The following COLEC12 variants were observed in gnomAD, a reference collection of about 807,000 sequenced individuals.
COLEC12 encodes the protein collectin subfamily member 12.
In COLEC12, 33 loss-of-function variants were observed where a neutral mutation model predicts 71.1. That is an observed-to-expected ratio of 0.46 (90% CI 0.35 to 0.62). The LOEUF (loss-of-function observed/expected upper bound fraction) is 0.62, where lower values mean the gene tolerates loss of function less well. Among genes scored for constraint, COLEC12 ranks in the 20% least tolerant of loss-of-function variants. COLEC12 has a pLI of 0.00. For synonymous variants in COLEC12, 350 were observed against 353.0 expected (o/e 0.99, Z 0.10); for missense variants, 765 against 916.1 (o/e 0.84, Z 2.13).
At chr18:332,472 G>A (rs781207748) in intron 7 of COLEC12, among the ~76,000 whole-genome samples, 26 of 152,302 alleles carry the variant, frequency 1.7e-4, no homozygotes, top group African/African-American at 5.5e-4. Context: ...TTTCCTAGCC[G>A]TCAAATGAGG....
chr18:406,787 G>T (rs2143627455), intron 2 of COLEC12, among the ~76,000 whole-genome samples: 1 of 152,310 alleles, frequency 6.6e-6, no homozygotes, highest in South Asian at 2.1e-4. Context: ...ACTTTGGTGT[G>T]TCTTTCTCTT....
Position 351,205 on chromosome 18 carries a change from G to A in COLEC12, c.182-3042C>T, listed in dbSNP as rs572661382. 7.9e-5 allele frequency among the ~76,000 whole-genome samples: 12 copies of A among 151,988 alleles called. No homozygotes were observed. In the East Asian group the frequency reaches 9.7e-4, roughly 12 times the overall value. ...CACTGTTTTCCCTCAAGCTTCTACC[G>A]TCTGGTCATAATGAAATGTGTGCAC... On this transcript the variant is annotated intron_variant, in intron 3 of 9. Transcript: ENST00000400256.
At chr18:419,149 TTCTATTC>T (rs1391347901) in intron 2 of COLEC12, among the ~76,000 whole-genome samples, 5 of 8,302 alleles carry the variant, frequency 6.0e-4, no homozygotes, top group Admixed American at 3.2e-3. Context: ...GGCATCATAC[TTCTATTC>T]TATTCTATTC....
At chr18:340,053 G>C (rs1457022287) in intron 5 of COLEC12, among the ~76,000 whole-genome samples, 1 of 108,028 alleles carries the variant, frequency 9.3e-6, no homozygotes, top group East Asian at 2.2e-4. Flanking sequence ...TAAAATAGAA[G>C]CTACCCTTAG....
At chr18:451,704 G>T (rs188188208) in intron 2 of COLEC12, among the ~76,000 whole-genome samples, 1 of 151,606 alleles carries the variant, frequency 6.6e-6, no homozygotes, top group Non-Finnish European at 1.5e-5. Context: ...TCGAGATCAC[G>T]CCACTGCACT....
At chr18:372,919 C>T (rs952694780) in intron 2 of COLEC12, among the ~76,000 whole-genome samples, 1 of 152,142 alleles carries the variant, frequency 6.6e-6, no homozygotes, top group Non-Finnish European at 1.5e-5. Context: ...ATGTGTTAAA[C>T]CTTCCCCCCA....
chr18:346,454 C>T lies in COLEC12; in HGVS notation c.1168G>A (p.Ala390Thr). The T allele has an allele frequency of 3.1e-6, 5 of 1,614,110 alleles. No individual in the cohort carries two copies. The highest frequency in any genetic ancestry group is 1.7e-5 in the Admixed American group (1 of 60,012). Reference sequence around the variant, plus strand: ...GAAACAGAATCCAAACGGATGTTGGCCAGGGTATTATTCAAGGAGGTCAGA... The same window carrying T: ...GAAACAGAATCCAAACGGATGTTGGTCAGGGTATTATTCAAGGAGGTCAGA... ...DDLTSLNNTL[A>T]NIRLDSVSLR... The change falls in exon 5 of 10, where the codon GCC (alanine) becomes ACC (threonine). Residue 390 changes from alanine to threonine, a missense_variant. Ala to Thr is a moderately conservative substitution (Grantham distance 58). Transcript: ENST00000400256. This position sits in a 1 kb window ranked among gnomAD's most constrained non-coding sequence, Gnocchi z 4.0.
intron 2 of COLEC12, among the ~76,000 whole-genome samples, chr18:464,684 G>A (rs1053481137): frequency 2.0e-5 from 3 of 152,186 alleles, no homozygotes; most frequent in Admixed American, 2.0e-4. Context: ...TAGACTGGGA[G>A]CACCATCAAT....
chr18:330,887 T>TC (rs1360295798), intron 8 of COLEC12, among the ~76,000 whole-genome samples: 1 of 150,354 alleles, frequency 6.7e-6, no homozygotes, highest in Non-Finnish European at 1.5e-5. Context: ...TTTTTTTTTT[T>TC]TTTCTTTTTT....
In COLEC12 at chr18:317,389, G is replaced by A. The variant is rs73371804; in HGVS notation, c.*2656C>T. The stretch of plus-strand genomic sequence containing the variant: ...AAATTAGAACATTTTCAAAGCTTGC[G>A]TCTGAATCCTGTCTCACTACTCAGT... On this transcript the variant is annotated 3_prime_UTR_variant, in exon 10 of 10. Coordinates refer to ENST00000400256, the MANE Select transcript of COLEC12 (RefSeq NM_130386.3). 2.6e-5 allele frequency: 4 copies of A among 152,124 alleles called. No individual in the cohort carries two copies. The highest frequency in any genetic ancestry group is 5.9e-5 in the Non-Finnish European group (4 of 68,026). 9.4% of individuals were successfully genotyped at this position (152,124 alleles called of 1,614,324 possible). A position where few individuals can be genotyped will look rare whatever the true frequency, so the allele number is the denominator to read the frequency against.
At chr18:488,390 G>A (rs1917558500) in intron 1 of COLEC12, among the ~76,000 whole-genome samples, 1 of 152,094 alleles carries the variant, frequency 6.6e-6, no homozygotes, top group Non-Finnish European at 1.5e-5. Context: ...CAGACTGGGT[G>A]ACAGAGCGTG....
At chr18:409,971 T>C (rs1022244479) in intron 2 of COLEC12, among the ~76,000 whole-genome samples, 4 of 152,156 alleles carry the variant, frequency 2.6e-5, no homozygotes, top group Non-Finnish European at 4.4e-5. Context: ...GAGACCTAGA[T>C]CTTCTAATTA....
intron 5 of COLEC12, among the ~76,000 whole-genome samples, chr18:341,124 G>C (rs970918665): frequency 1.3e-5 from 2 of 152,184 alleles, no homozygotes; most frequent in African/African-American, 2.4e-5. Flanking sequence ...CAGCTGAAAT[G>C]TCAATCCCTA....
At chr18:423,654 A>T (rs1916141347) in intron 2 of COLEC12, 2 of 152,252 alleles carry the variant, frequency 1.3e-5, no homozygotes, top group Non-Finnish European at 2.9e-5. Flanking sequence ...TAAGGGAAAC[A>T]GACTGAACTT....
chr18:374,836 G>T (rs1050160363), intron 2 of COLEC12, among the ~76,000 whole-genome samples: 1 of 152,288 alleles, frequency 6.6e-6, no homozygotes, highest in East Asian at 1.9e-4. Flanking sequence ...GACCGCAGCT[G>T]TCTATGTAGC....
At chr18:416,883 G>A (rs1300133572) in intron 2 of COLEC12, among the ~76,000 whole-genome samples, 1 of 149,896 alleles carries the variant, frequency 6.7e-6, no homozygotes, top group Non-Finnish European at 1.5e-5. Context: ...TGGGGGCGGA[G>A]GGTTGGTAGA....
intron 2 of COLEC12, among the ~76,000 whole-genome samples, chr18:462,674 C>T (rs543070015): frequency 3.3e-5 from 5 of 152,246 alleles, no homozygotes; most frequent in African/African-American, 1.2e-4. Context: ...TTTTATGATA[C>T]ATAAATTATA....
chr18:342,975 C>A (rs963353381), intron 5 of COLEC12, among the ~76,000 whole-genome samples: 39 of 152,266 alleles, frequency 2.6e-4, no homozygotes, highest in African/African-American at 8.7e-4. Flanking sequence ...TCTGCAGCTC[C>A]CCAGTCTGTA....
intron 2 of COLEC12, among the ~76,000 whole-genome samples, chr18:445,591 A>G (rs1253345820): frequency 6.6e-6 from 1 of 151,468 alleles, no homozygotes; most frequent in Non-Finnish European, 1.5e-5. Flanking sequence ...CACACCAAAA[A>G]TAAATCCCAT....
Sources: gnomAD v4.1 joint callset for allele counts (sites outside exome capture counted in the v4.1 genomes callset) on GRCh38, gnomAD v4.1.1 for gene constraint, Gnocchi (gnomAD v3.1) non-coding constraint, MANE v1.5 for transcripts, NCBI Gene and HGNC (gene_info 2026-07-23, HGNC 2026-07-21) for gene names.